ADAMTS3: variants seen among roughly 807,000 people sequenced by gnomAD.
ADAMTS3 encodes the protein ADAM metallopeptidase with thrombospondin type 1 motif 3, also known as A disintegrin and metalloproteinase with thrombospondin motifs 3.
Under a neutral mutation model 129.0 loss-of-function variants are expected in ADAMTS3, and 73 were observed. The ratio of observed to expected loss-of-function variants is 0.57; its 90% confidence interval spans 0.47 to 0.69. The LOEUF (loss-of-function observed/expected upper bound fraction) is 0.69. Among genes scored for constraint, ADAMTS3 ranks in the 30% least tolerant of loss-of-function variants. The pLI, the probability that ADAMTS3 is intolerant of heterozygous loss-of-function variation, is 0.00. For synonymous variants in ADAMTS3, 477 were observed against 510.8 expected, an observed-to-expected ratio of 0.93 and a Z score of 0.89; for missense variants, 1,457 against 1,514.5, an observed-to-expected ratio of 0.96 and a Z score of 0.63.
intron 3 of ADAMTS3, among the ~76,000 whole-genome samples, chr4:72,435,717 G>C (rs1309994738): frequency 6.6e-6 from 1 of 151,888 alleles, no homozygotes; most frequent in Non-Finnish European, 1.5e-5. Flanking sequence ...ACAACCATCT[G>C]ATCTTTGACA....
intron 5 of ADAMTS3, among the ~76,000 whole-genome samples, chr4:72,328,721 C>T (rs948146885): frequency 4.6e-5 from 7 of 152,004 alleles, no homozygotes; most frequent in African/African-American, 1.4e-4. Context: ...GTAATTACTG[C>T]TATTATTCAT....
At chr4:72,311,262 T>C (rs1190415533) in intron 13 of ADAMTS3, 81 bp from the exon 14 acceptor site, 31 of 1,260,132 alleles carry the variant, frequency 2.5e-5, no homozygotes, top group Non-Finnish European at 3.3e-5. Context: ...TTTTTAAATA[T>C]AAGGTTTCAC....
At chr4:72,350,013 G>C (rs1425033588) in intron 4 of ADAMTS3, among the ~76,000 whole-genome samples, 1 of 151,940 alleles carries the variant, frequency 6.6e-6, no homozygotes, top group African/African-American at 2.4e-5. Context: ...ATCTATGACA[G>C]AACAACGTTT....
At chr4:72,541,099 C>G (rs1459608441) in intron 3 of ADAMTS3, among the ~76,000 whole-genome samples, 1 of 152,158 alleles carries the variant, frequency 6.6e-6, no homozygotes, top group Non-Finnish European at 1.5e-5. Context: ...ATGATAGCAG[C>G]TAGGAGGAAG....
At chr4:72,512,415 C>G (rs147510798) in intron 3 of ADAMTS3, among the ~76,000 whole-genome samples, 1 of 152,022 alleles carries the variant, frequency 6.6e-6, no homozygotes, top group African/African-American at 2.4e-5. Context: ...TCGCTTGAAC[C>G]CAGGAGGCAG....
At chr4:72,317,469 CT>C (rs71215421) in intron 10 of ADAMTS3, among the ~76,000 whole-genome samples, 39,024 of 137,392 alleles carry the variant, frequency 0.28, 5,564 homozygotes, top group East Asian at 0.42. Context: ...AAAAGGCCTT[CT>C]TTTTTTTTTT....
At chr4:72,339,062 C>T (rs957239793) in intron 5 of ADAMTS3, among the ~76,000 whole-genome samples, 1 of 152,124 alleles carries the variant, frequency 6.6e-6, no homozygotes, top group South Asian at 2.1e-4. Context: ...CAAGAATCCA[C>T]AGAGTTACCA....
intron 3 of ADAMTS3, among the ~76,000 whole-genome samples, chr4:72,465,885 C>G (rs1252255639): frequency 6.6e-6 from 1 of 151,934 alleles, no homozygotes; most frequent in African/African-American, 2.4e-5. Context: ...TTTTTCTGCA[C>G]AAGTTCTCTT....
chr4:72,458,078 G>T (rs952612114), intron 3 of ADAMTS3, among the ~76,000 whole-genome samples: 1 of 151,608 alleles, frequency 6.6e-6, no homozygotes, highest in Non-Finnish European at 1.5e-5. Flanking sequence ...AGCGCATCTA[G>T]AGCTGGTAAT....
chr4:72,489,155 T>G (rs1719668626), intron 3 of ADAMTS3, among the ~76,000 whole-genome samples: 2 of 151,964 alleles, frequency 1.3e-5, no homozygotes, highest in African/African-American at 4.8e-5. Flanking sequence ...GGTTTCCCTA[T>G]CCATTCATAC....
chr4:72,351,008 T>C (rs1452619444), intron 4 of ADAMTS3, among the ~76,000 whole-genome samples: 1 of 151,988 alleles, frequency 6.6e-6, no homozygotes, highest in Non-Finnish European at 1.5e-5. Context: ...TCTGGGAATT[T>C]GTTAGGCTCC....
At chr4:72,567,892 G>C (rs1272879733) in intron 1 of ADAMTS3, 1 of 155,172 alleles carries the variant, frequency 6.4e-6, no homozygotes, top group Non-Finnish European at 1.4e-5. Context: ...GCCCAGTGCT[G>C]ATATGATTTA....
chr4:72,305,503 A>G (rs969892854), intron 16 of ADAMTS3, among the ~76,000 whole-genome samples: 3 of 151,970 alleles, frequency 2.0e-5, no homozygotes, highest in African/African-American at 7.2e-5. Flanking sequence ...TAACATATTT[A>G]TTTTCTTATT....
At chr4:72,548,435 C>A in intron 3 of ADAMTS3, 43 bp downstream of exon 3, 1 of 1,587,668 alleles carries the variant, frequency 6.3e-7, no homozygotes, top group South Asian at 1.1e-5. Flanking sequence ...TGGCTGCACT[C>A]CCAGCACCTG....
At chr4:72,418,903 C>T (rs146267168) in intron 3 of ADAMTS3, among the ~76,000 whole-genome samples, 87 of 152,354 alleles carry the variant, frequency 5.7e-4, no homozygotes, top group African/African-American at 2.0e-3. Context: ...CCTCACGAGG[C>T]CCCAACCTCA....
At position 72,453,290 on chromosome 4, in the gene ADAMTS3, C is replaced by CA. The variant is rs1309196559; in HGVS notation, c.505-38320dup. Among the ~76,000 whole-genome samples, 6 of 151,938 alleles carry CA rather than the reference C, an allele frequency of 3.9e-5. No homozygotes were observed. In the East Asian group the frequency reaches 1.2e-3, roughly 30 times the overall value. On this transcript the variant is annotated intron_variant, in intron 3 of 21. Coordinates refer to ENST00000286657, the MANE Select transcript of ADAMTS3 (RefSeq NM_014243.3). ...TGGTAGTAGTAGAAACAGCTGTAGT[C>CA]AGAGAACCAATCCTGAGGCATCTCA...
In ADAMTS3 at chr4:72,392,028, C is replaced by T. The variant is rs191330592; in HGVS notation, c.661+22787G>A. ...AAATATGTATGTTCCAGGTGCGTGG[C>T]CCTATGCTGAGCACATGAGTATAAA... On this transcript the variant is annotated intron_variant, in intron 4 of 21. Transcript: ENST00000286657. Among the ~76,000 whole-genome samples the T allele has an allele frequency of 3.3e-5, 5 of 152,302 alleles. No individual in the cohort carries two copies. The East Asian group carries it at 7.7e-4, about 23-fold the overall frequency.
chr4:72,286,681 G>A lies in ADAMTS3; in HGVS notation c.3049+2070C>T, dbSNP rs539302747. ...GAGTCTTCTAATATGTGAAAACAAC[G>A]TCCACAGTTGTCACTGTCGTGGCTT... On this transcript the variant is annotated intron_variant, in intron 21 of 21. Transcript: ENST00000286657. Among the ~76,000 whole-genome samples the A allele has an allele frequency of 4.9e-4, 74 of 152,256 alleles. No individual in the cohort carries two copies. In the South Asian group the frequency reaches 0.014, roughly 29 times the overall value.
At chr4:72,406,916 G>A (rs1425014584) in intron 4 of ADAMTS3, among the ~76,000 whole-genome samples, 2 of 152,140 alleles carry the variant, frequency 1.3e-5, no homozygotes, top group African/African-American at 4.8e-5. Context: ...ACATATTTAA[G>A]AGGAAGGGTG....
Sources: allele counts gnomAD v4.1 joint callset (sites outside exome capture counted in the v4.1 genomes callset), GRCh38; gene constraint gnomAD v4.1.1; transcripts MANE v1.5; gene names NCBI Gene and HGNC (gene_info 2026-07-23, HGNC 2026-07-21).